TRPC5: variants seen among roughly 807,000 people sequenced by gnomAD.
The protein encoded by TRPC5 is short transient receptor potential channel 5.
TRPC5 carries 9 observed loss-of-function variants against 56.5 expected under a neutral mutation model. The ratio of observed to expected loss-of-function variants is 0.16; its 90% confidence interval spans 0.10 to 0.28. The LOEUF is 0.28. TRPC5 is among the 10% of genes least tolerant of loss of function. The pLI is 1.00. For missense variants in TRPC5, 469 were observed against 748.9 expected (o/e 0.63, Z 4.36); for synonymous variants, 282 against 278.5 (o/e 1.01, Z -0.13).
At chrX:111,916,008 C>T (rs772672856) in intron 2 of TRPC5, among the ~76,000 whole-genome samples, 4 of 110,504 alleles carry the variant, frequency 3.6e-5, no homozygotes, top group African/African-American at 9.9e-5. Context: ...ACCTGTAGTC[C>T]CAGCTAGTAG....
At chrX:111,875,572 C>CTTTTTTTTTTTT (rs771241425) in intron 3 of TRPC5, among the ~76,000 whole-genome samples, 30 of 70,431 alleles carry the variant, frequency 4.3e-4, no homozygotes, top group African/African-American at 5.8e-4. Context: ...TTTTTTCTTT[C>CTTTTTTTTTTTT]TTTTTTTTTT....
chrX:111,992,357 C>T (rs989604991), intron 1 of TRPC5, among the ~76,000 whole-genome samples: 1 of 111,596 alleles, frequency 9.0e-6, no homozygotes, highest in African/African-American at 3.3e-5. Context: ...TCAATTATAT[C>T]TCAAGAAAGC....
At chrX:111,804,779 A>G (rs1921442954) in intron 7 of TRPC5, among the ~76,000 whole-genome samples, 1 of 111,773 alleles carries the variant, frequency 8.9e-6, no homozygotes, top group Non-Finnish European at 1.9e-5. Flanking sequence ...TAAATATACA[A>G]TCATGTCATC....
chrX:111,828,532 G>A (rs992396567), intron 7 of TRPC5, among the ~76,000 whole-genome samples: 5 of 111,786 alleles, frequency 4.5e-5, no homozygotes, highest in African/African-American at 1.3e-4. Flanking sequence ...CCAGTCTTGG[G>A]TATTTCTTCA....
intron 1 of TRPC5, among the ~76,000 whole-genome samples, chrX:112,019,580 C>T (rs931334639): frequency 9.0e-6 from 1 of 111,118 alleles, no homozygotes; most frequent in Non-Finnish European, 1.9e-5. Flanking sequence ...GGACTACAGG[C>T]GCCCACCACC....
chrX:111,971,394 T>A (rs753442454), intron 1 of TRPC5, among the ~76,000 whole-genome samples: 1 of 111,549 alleles, frequency 9.0e-6, no homozygotes, highest in Admixed American at 9.5e-5. Context: ...ATAATCCAGA[T>A]AGAATCTCAA....
Position 111,769,042 on chromosome X carries a change from T to G in TRPC5, c.*7271A>C, listed in dbSNP as rs2148543892. 8.9e-6 allele frequency among the ~76,000 whole-genome samples: 1 copy of G among 112,125 alleles called. No homozygotes were observed. Among genetic ancestry groups the G allele is most frequent in the Non-Finnish European group, 1.9e-5 (1 of 53,156 alleles). On this transcript the variant is annotated 3_prime_UTR_variant, in exon 11 of 11. Transcript: ENST00000262839. ...AATACTTAATCTGAATATGTGACTT[T>G]CAAATGACCTGAACACATTCAGCTA... is the stretch of plus-strand genomic sequence containing the variant.
chrX:111,852,428 C>T lies in TRPC5; in HGVS notation c.1247G>A (p.Trp416Ter). The change falls in exon 5 of 11, where the codon TGG becomes TAG. Residue 416 changes from tryptophan to a stop codon, truncating the protein, a stop_gained. Coordinates refer to ENST00000262839, the MANE Select transcript of TRPC5 (RefSeq NM_012471.3). LOFTEE classifies it high-confidence loss of function. The part of the protein sequence containing the change: ...MILPWVLGFI[W>*]GEIKEMWDGG... ...ATCCCACATTTCCTTAATCTCACCC[C>T]AAATGAAACCTGAAGAATGGAGGAA... 8.3e-7 allele frequency: 1 copy of T among 1,206,654 alleles called. No homozygotes were observed. The highest frequency in any genetic ancestry group is 1.1e-6 in the Non-Finnish European group (1 of 893,376).
rs145338486 is a variant in TRPC5, at chrX:111,912,494, C to A, written c.697G>T (p.Val233Leu). The A allele has an allele frequency of 2.5e-6, 3 of 1,209,724 alleles. No individual in the cohort carries two copies. In the Admixed American group the frequency reaches 6.6e-5, roughly 26 times the overall value. The change falls in exon 3 of 11, where the codon GTG becomes TTG. Residue 233 changes from valine (V) to leucine (L), a missense_variant. By Grantham distance (32) the Val-to-Leu change is conservative. This residue lies in a region of TRPC5 where 157 missense variants were observed against 360.0 expected (regional missense o/e 0.44). Transcript: ENST00000262839. ...TACTCGGCCTTGAACTCATTCTCCA[C>A]CTTGCTGAGCTCCTTGAGCTCCCAG... ...LGWELKELSK[V>L]ENEFKAEYEE...
At chrX:111,848,050 A>T (rs768930387) in intron 5 of TRPC5, among the ~76,000 whole-genome samples, 1 of 111,883 alleles carries the variant, frequency 8.9e-6, no homozygotes, top group East Asian at 2.8e-4. Flanking sequence ...TGTATTCTAC[A>T]TTACTGCAAA....
intron 7 of TRPC5, among the ~76,000 whole-genome samples, chrX:111,813,531 G>T (rs183044821): frequency 2.9e-3 from 326 of 112,520 alleles, no homozygotes; most frequent in African/African-American, 9.5e-3. Flanking sequence ...CAATCAAACT[G>T]CAAGGCCAAT....
At chrX:111,854,599 C>T (rs774407722) in intron 3 of TRPC5, among the ~76,000 whole-genome samples, 8 of 112,009 alleles carry the variant, frequency 7.1e-5, no homozygotes, top group Middle Eastern at 4.6e-3. Flanking sequence ...GGAGATATTT[C>T]ATTTCAAATT....
intron 1 of TRPC5, among the ~76,000 whole-genome samples, chrX:111,991,101 G>GTC (rs1323622436): frequency 9.0e-6 from 1 of 111,614 alleles, no homozygotes; most frequent in African/African-American, 3.3e-5. Context: ...CCTTCCTTGT[G>GTC]TCTCTATCTC....
intron 2 of TRPC5, among the ~76,000 whole-genome samples, chrX:111,928,668 C>T (rs756311669): frequency 4.5e-5 from 5 of 111,986 alleles, no homozygotes; most frequent in East Asian, 2.8e-4. Flanking sequence ...TCTAGCTCTA[C>T]GGCTGCTGTC....
At chrX:112,034,638 T>C (rs899540481) in intron 1 of TRPC5, among the ~76,000 whole-genome samples, 5 of 110,468 alleles carry the variant, frequency 4.5e-5, no homozygotes, top group African/African-American at 1.6e-4. Context: ...CTGGGATAAA[T>C]CTCATTTAGT....
intron 3 of TRPC5, among the ~76,000 whole-genome samples, chrX:111,866,043 T>A (rs1923541967): frequency 8.8e-6 from 1 of 113,038 alleles, no homozygotes; most frequent in Non-Finnish European, 1.9e-5. Flanking sequence ...AGGTCACATT[T>A]CTTGGTAAAT....
At chrX:111,968,978 A>G (rs1388515135) in intron 1 of TRPC5, among the ~76,000 whole-genome samples, 1 of 61,929 alleles carries the variant, frequency 1.6e-5, no homozygotes, top group Non-Finnish European at 2.7e-5. Context: ...AGTATAATAA[A>G]ATAAAATAAA....
At chrX:111,909,654 C>G (rs1434906147) in intron 3 of TRPC5, among the ~76,000 whole-genome samples, 1 of 110,938 alleles carries the variant, frequency 9.0e-6, no homozygotes, top group Admixed American at 9.7e-5. Context: ...ATCAAGAGAA[C>G]AAGAAGAAAT....
In TRPC5 at chrX:111,853,997, A is replaced by G. The variant is rs1223188508; in HGVS notation, c.1010T>C (p.Ile337Thr). The G allele has an allele frequency of 9.1e-6, 11 of 1,210,028 alleles. No individual in the cohort carries two copies. The highest frequency in any genetic ancestry group is 2.3e-4 in the Middle Eastern group (1 of 4,374). Residue 337 changes from isoleucine (I) to threonine (T), a missense_variant, in exon 4 of 11, where the codon ATT (isoleucine) becomes ACT (threonine). Ile to Thr is a moderately conservative substitution (Grantham distance 89). This residue lies in a region of TRPC5 where 157 missense variants were observed against 360.0 expected (regional missense o/e 0.44). Transcript: ENST00000262839. ...WVVKLLTCMT[I>T]GFLFPMLSIA... ...AGACAGCATGGGAAACAGGAACCCA[A>G]TGGTCATGCAGGTTAGAAGCTTGAC...
Sources: gnomAD v4.1 joint callset for allele counts (sites outside exome capture counted in the v4.1 genomes callset) on GRCh38, gnomAD v4.1.1 for gene constraint, gnomAD v4.1.1 regional missense constraint, MANE v1.5 for transcripts, NCBI Gene and HGNC (gene_info 2026-07-23, HGNC 2026-07-21) for gene names.